The following KIAA1217 variants were observed in gnomAD, a reference collection of about 807,000 sequenced individuals.
KIAA1217 encodes KIAA1217, also known as sickle tail protein homolog.
KIAA1217 carries 88 observed loss-of-function variants against 163.9 expected under a neutral mutation model. The ratio of observed to expected loss-of-function variants is 0.54; its 90% CI spans 0.45 to 0.64. KIAA1217 has a LOEUF of 0.64. KIAA1217 is among the 30% of genes least tolerant of loss of function. The pLI is 0.00. For synonymous variants in KIAA1217, 903 were observed against 923.1 expected, an observed-to-expected ratio of 0.98 and a Z score of 0.39; for missense variants, 2,372 against 2,475.0, an observed-to-expected ratio of 0.96 and a Z score of 0.88.
At chr10:23,731,058 C>A (rs956986750) in intron 1 of KIAA1217, among the ~76,000 whole-genome samples, 3 of 152,090 alleles carry the variant, frequency 2.0e-5, no homozygotes, top group Non-Finnish European at 4.4e-5. Flanking sequence ...GGGAACATGT[C>A]TTTTATTTCA....
At position 24,546,548 on chromosome 10, in the gene KIAA1217, T is replaced by C. The variant is rs553362718; in HGVS notation, c.*224T>C. ...GTGTCTACAGTCTATACTCAATACC[T>C]ATAAAATGCAGTAAGCATGTGTTAC... On this transcript the variant is annotated 3_prime_UTR_variant, in exon 21 of 21. Transcript: ENST00000376454. 57 of 472,172 alleles carry C rather than the reference T, an allele frequency of 1.2e-4. No homozygotes were observed. Among genetic ancestry groups the C allele is most frequent in the Non-Finnish European group, 1.8e-4 (49 of 272,556 alleles). The allele number at this position is 472,172 out of a possible 1,614,324, so 29.2% of individuals were successfully genotyped here.
intron 2 of KIAA1217, among the ~76,000 whole-genome samples, chr10:24,296,288 A>G (rs2040599610): frequency 6.6e-6 from 1 of 152,104 alleles, no homozygotes; most frequent in Admixed American, 6.5e-5. Flanking sequence ...GTTTTTTTGT[A>G]GAGAGGTGTC....
chr10:24,010,042 G>A (rs893342888), intron 2 of KIAA1217, among the ~76,000 whole-genome samples: 2 of 152,064 alleles, frequency 1.3e-5, no homozygotes, highest in Admixed American at 6.6e-5. Flanking sequence ...ATAAAAGAAT[G>A]TCTGTTGCAT....
Position 24,107,299 on chromosome 10 carries a change from A to T in KIAA1217, c.-171+99925A>T, listed in dbSNP as rs568500260. Among the ~76,000 whole-genome samples, 12 of 152,196 alleles carry T rather than the reference A, an allele frequency of 7.9e-5. No individual in the cohort carries two copies. The South Asian group carries it at 2.3e-3, about 29-fold the overall frequency. On this transcript the variant is annotated intron_variant, in intron 2 of 18. Coordinates refer to the KIAA1217 transcript ENST00000376462. ...CAGTTCACTATTGATGGGCATCTAGATTGATTCCATGTCTTCACTATTGTG... is the reference window on the plus strand; with the variant it reads ...CAGTTCACTATTGATGGGCATCTAGTTTGATTCCATGTCTTCACTATTGTG...
At chr10:24,143,001 G>A (rs2064151620) in intron 2 of KIAA1217, among the ~76,000 whole-genome samples, 1 of 152,166 alleles carries the variant, frequency 6.6e-6, no homozygotes, top group Non-Finnish European at 1.5e-5. Flanking sequence ...AAAAGCAGAA[G>A]GGCGGAGAGG....
chr10:23,920,339 G>C (rs1262038724), intron 1 of KIAA1217, among the ~76,000 whole-genome samples: 1 of 152,058 alleles, frequency 6.6e-6, no homozygotes, highest in African/African-American at 2.4e-5. Context: ...TCCACTTTTA[G>C]CTTCTCTGTC....
chr10:23,882,133 C>T (rs1033920489), intron 1 of KIAA1217, among the ~76,000 whole-genome samples: 1 of 151,900 alleles, frequency 6.6e-6, no homozygotes, highest in Admixed American at 6.6e-5. Context: ...CATATAAACC[C>T]ACCACAATTT....
At chr10:24,065,062 A>G in intron 2 of KIAA1217, among the ~76,000 whole-genome samples, 1 of 152,120 alleles carries the variant, frequency 6.6e-6, no homozygotes. Context: ...CTAGCGGTCT[A>G]TCAATTTTGT....
intron 2 of KIAA1217, among the ~76,000 whole-genome samples, chr10:24,353,354 G>C (rs774591568): frequency 6.6e-6 from 1 of 151,976 alleles, no homozygotes; most frequent in Non-Finnish European, 1.5e-5. Context: ...TTATTCCATC[G>C]CATATTTTCA....
chr10:24,498,411 G>A lies in KIAA1217; in HGVS notation c.1835-2968G>A, dbSNP rs576643506. ...CCACAGGGGTGACAACTAGAAGATC[G>A]CTGAAATGAACATAAAGAGCCATTT... On this transcript the variant is annotated intron_variant, in intron 8 of 20. Coordinates refer to ENST00000376454, the MANE Select transcript of KIAA1217 (RefSeq NM_019590.5). 1.6e-4 allele frequency among the ~76,000 whole-genome samples: 25 copies of A among 152,258 alleles called. No individual in the cohort carries two copies. In the South Asian group the frequency reaches 3.9e-3, roughly 24 times the overall value.
intron 1 of KIAA1217, among the ~76,000 whole-genome samples, chr10:23,697,225 G>A (rs1276353628): frequency 6.6e-6 from 1 of 152,202 alleles, no homozygotes; most frequent in Non-Finnish European, 1.5e-5. Flanking sequence ...TGATTGGAAT[G>A]TGTCTAGGTA....
At chr10:24,052,188 A>G (rs1849566195) in intron 2 of KIAA1217, among the ~76,000 whole-genome samples, 2 of 152,150 alleles carry the variant, frequency 1.3e-5, no homozygotes, top group African/African-American at 4.8e-5. Flanking sequence ...GATTTTATCT[A>G]TGTAACTAAG....
chr10:23,871,151 A>G (rs746541434), intron 1 of KIAA1217, among the ~76,000 whole-genome samples: 6 of 151,984 alleles, frequency 3.9e-5, no homozygotes, highest in Admixed American at 3.9e-4. Context: ...TATTTGTCTT[A>G]ACTGGTTGGA....
intron 2 of KIAA1217, among the ~76,000 whole-genome samples, chr10:24,203,692 T>C (rs1298436268): frequency 6.6e-6 from 1 of 152,056 alleles, no homozygotes; most frequent in South Asian, 2.1e-4. Context: ...GCACTGTGGG[T>C]AAAGCAAGGT....
intron 5 of KIAA1217, among the ~76,000 whole-genome samples, chr10:24,455,902 T>G (rs563055140): frequency 6.6e-6 from 1 of 152,236 alleles, no homozygotes; most frequent in African/African-American, 2.4e-5. Flanking sequence ...TTTTGTTTTT[T>G]TCTGAGACAC....
chr10:24,013,313 TAATA>T (rs1847325352), intron 2 of KIAA1217, among the ~76,000 whole-genome samples: 1 of 151,938 alleles, frequency 6.6e-6, no homozygotes. Flanking sequence ...GATTCAATGT[TAATA>T]AATCAAAATA....
At chr10:24,508,024 A>T (rs1337135194) in intron 9 of KIAA1217, among the ~76,000 whole-genome samples, 1 of 152,188 alleles carries the variant, frequency 6.6e-6, no homozygotes, top group East Asian at 1.9e-4. Flanking sequence ...AACTCATTTT[A>T]TGAAGCCTGC....
At chr10:24,226,980 A>G (rs2130996386) in intron 2 of KIAA1217, among the ~76,000 whole-genome samples, 1 of 152,286 alleles carries the variant, frequency 6.6e-6, no homozygotes, top group Non-Finnish European at 1.5e-5. Flanking sequence ...AGTTATTCAC[A>G]GAATTTCTAC....
chr10:24,076,953 T>G (rs954447559), intron 2 of KIAA1217, among the ~76,000 whole-genome samples: 3 of 151,530 alleles, frequency 2.0e-5, no homozygotes, highest in Non-Finnish European at 4.4e-5. Flanking sequence ...CTTGGCTCAC[T>G]GCAACTGCCA....
Sources: gnomAD v4.1 joint callset for allele counts (sites outside exome capture counted in the v4.1 genomes callset) on GRCh38, gnomAD v4.1.1 for gene constraint, MANE v1.5 for transcripts, NCBI Gene and HGNC (gene_info 2026-07-23, HGNC 2026-07-21) for gene names.